Variants in CCSER1 observed in about 807,000 individuals in gnomAD.
The protein encoded by CCSER1 is serine-rich coiled-coil domain-containing protein 1.
CCSER1 carries 41 observed loss-of-function variants against 82.0 expected under a neutral mutation model. The observed-to-expected ratio is 0.50, with a 90% CI of 0.39 to 0.65. CCSER1 has a LOEUF of 0.65. Ranked by LOEUF, CCSER1 falls within the 30% of genes least tolerant of loss-of-function variation. CCSER1 has a pLI of 0.00. For missense variants in CCSER1, 1,119 were observed against 1,064.2 expected (o/e 1.05, Z -0.72); for synonymous variants, 414 against 383.9 (o/e 1.08, Z -0.92).
At chr4:91,309,304 C>T (rs1286264952) in intron 10 of CCSER1, among the ~76,000 whole-genome samples, 1 of 152,006 alleles carries the variant, frequency 6.6e-6, no homozygotes, top group South Asian at 2.1e-4. Flanking sequence ...AATAAAACCA[C>T]CAACAACAAA....
intron 3 of CCSER1, among the ~76,000 whole-genome samples, chr4:90,331,949 T>A (rs1410319656): frequency 1.3e-5 from 2 of 152,128 alleles, no homozygotes; most frequent in African/African-American, 2.4e-5. Context: ...TGAGGTATCT[T>A]CATCTCTATT....
intron 10 of CCSER1, among the ~76,000 whole-genome samples, chr4:91,255,765 T>G (rs1181785254): frequency 1.3e-5 from 2 of 152,348 alleles, no homozygotes; most frequent in East Asian, 3.9e-4. Flanking sequence ...TCATGGACAT[T>G]TATCACTTCC....
intron 1 of CCSER1, among the ~76,000 whole-genome samples, chr4:90,238,452 A>G (rs1746217187): frequency 6.6e-6 from 1 of 152,190 alleles, no homozygotes; most frequent in Admixed American, 6.5e-5. Context: ...ACATAGGAAA[A>G]ACAAGCTTGC....
At chr4:91,456,359 A>G (rs541826615) in intron 10 of CCSER1, among the ~76,000 whole-genome samples, 57 of 152,184 alleles carry the variant, frequency 3.7e-4, no homozygotes, top group African/African-American at 6.0e-4. Flanking sequence ...GAGGGACTCA[A>G]ATGCTCAGTC....
chr4:91,049,724 T>C (rs913990265), intron 9 of CCSER1, among the ~76,000 whole-genome samples: 1 of 152,218 alleles, frequency 6.6e-6, no homozygotes, highest in Non-Finnish European at 1.5e-5. Flanking sequence ...CACTGAATCA[T>C]TGCAATGAGA....
chr4:91,097,970 A>C (rs2148842829), intron 10 of CCSER1, among the ~76,000 whole-genome samples: 1 of 152,270 alleles, frequency 6.6e-6, no homozygotes, highest in East Asian at 1.9e-4. Flanking sequence ...TTTGCTGAAA[A>C]CCATAAATAG....
chr4:91,188,828 C>T (rs1487588904), intron 10 of CCSER1, among the ~76,000 whole-genome samples: 1 of 152,038 alleles, frequency 6.6e-6, no homozygotes, highest in Non-Finnish European at 1.5e-5. Context: ...ATATGCCTGT[C>T]AGAAAAATCA....
chr4:91,268,994 A>C (rs1741825880), intron 10 of CCSER1, among the ~76,000 whole-genome samples: 1 of 152,210 alleles, frequency 6.6e-6, no homozygotes, highest in Non-Finnish European at 1.5e-5. Context: ...TGCTAACAAT[A>C]AAATTCAGCC....
At chr4:90,877,167 G>C (rs566535495) in intron 8 of CCSER1, among the ~76,000 whole-genome samples, 1 of 152,142 alleles carries the variant, frequency 6.6e-6, no homozygotes, top group African/African-American at 2.4e-5. Flanking sequence ...TAAGGTGCAG[G>C]TAAAAAGCTT....
At chr4:90,391,108 C>CA (rs1326557051) in intron 3 of CCSER1, among the ~76,000 whole-genome samples, 4,898 of 51,838 alleles carry the variant, frequency 0.094, 157 homozygotes, top group African/African-American at 0.12. Flanking sequence ...ACTAAAAATA[C>CA]AAAAAAAAAA....
At position 90,335,579 on chromosome 4, in the gene CCSER1, T is replaced by G. The variant is rs1740229157; in HGVS notation, c.1509+22532T>G. Among the ~76,000 whole-genome samples, 3 of 152,206 alleles carry G rather than the reference T, an allele frequency of 2.0e-5. No individual in the cohort carries two copies. The South Asian group carries it at 6.2e-4, about 31-fold the overall frequency. On this transcript the variant is annotated intron_variant, in intron 3 of 10. Coordinates refer to ENST00000509176, the MANE Select transcript of CCSER1 (RefSeq NM_001145065.2). ...TATATAACATTTTCCCTTTTCTTTT[T>G]TAGCCCTATGAAAGCAAATATTTGT...
chr4:90,782,878 C>T (rs1158203370), intron 7 of CCSER1, among the ~76,000 whole-genome samples: 2 of 151,726 alleles, frequency 1.3e-5, no homozygotes, highest in East Asian at 1.9e-4. Context: ...GATGGGGTTT[C>T]ACCGTGTTAG....
intron 9 of CCSER1, among the ~76,000 whole-genome samples, chr4:90,988,041 G>T (rs1440004793): frequency 6.6e-6 from 1 of 151,554 alleles, no homozygotes. Context: ...AAACTACCAG[G>T]CATGGTGGCT....
intron 4 of CCSER1, among the ~76,000 whole-genome samples, chr4:90,431,382 A>G (rs529574112): frequency 1.3e-5 from 2 of 152,074 alleles, no homozygotes; most frequent in Non-Finnish European, 2.9e-5. Flanking sequence ...AATACCTTTT[A>G]TAAATCCAGG....
intron 5 of CCSER1, among the ~76,000 whole-genome samples, chr4:90,589,712 C>G (rs1182259542): frequency 1.3e-5 from 2 of 151,930 alleles, no homozygotes; most frequent in Admixed American, 6.6e-5. Context: ...ATAATGACTA[C>G]CTGCAAGGAG....
intron 9 of CCSER1, among the ~76,000 whole-genome samples, chr4:91,020,217 A>G (rs1215752034): frequency 6.6e-6 from 1 of 152,218 alleles, no homozygotes; most frequent in Admixed American, 6.5e-5. Flanking sequence ...GTAAAACTGA[A>G]GTGATATAAC....
chr4:90,195,092 TA>T (rs1184174834), intron 1 of CCSER1, among the ~76,000 whole-genome samples: 13 of 152,022 alleles, frequency 8.6e-5, no homozygotes, highest in Non-Finnish European at 1.3e-4. Context: ...AAGGGAAGCT[TA>T]AAAATTAATG....
intron 10 of CCSER1, among the ~76,000 whole-genome samples, chr4:91,253,957 A>T (rs1030004512): frequency 3.9e-5 from 6 of 152,180 alleles, no homozygotes; most frequent in African/African-American, 1.4e-4. Context: ...CATTTGTGAG[A>T]AACTGCCCCC....
chr4:90,822,589 G>A (rs559168524), intron 8 of CCSER1, among the ~76,000 whole-genome samples: 7 of 151,920 alleles, frequency 4.6e-5, no homozygotes, highest in South Asian at 2.1e-4. Flanking sequence ...TTAGCTGGGC[G>A]TGGTGGCGGG....
Sources: allele counts gnomAD v4.1 joint callset (sites outside exome capture counted in the v4.1 genomes callset), GRCh38; gene constraint gnomAD v4.1.1; transcripts MANE v1.5; gene names NCBI Gene and HGNC (gene_info 2026-07-23, HGNC 2026-07-21).